The following AVL9 variants were observed in gnomAD, a reference collection of about 807,000 sequenced individuals.
The protein encoded by AVL9 is AVL9 cell migration associated.
A neutral mutation model predicts 79.2 loss-of-function variants in AVL9; 49 were observed. The observed-to-expected ratio is 0.62, with a 90% CI of 0.49 to 0.79. AVL9 has a LOEUF of 0.79. AVL9 is among the 30% of genes least tolerant of loss of function. The probability of loss-of-function intolerance (pLI) is 0.00; values close to 1 mark genes in which losing one functional copy is unlikely to be tolerated. For synonymous variants in AVL9, 299 were observed against 280.6 expected (o/e 1.07, Z -0.65); for missense variants, 682 against 776.8 (o/e 0.88, Z 1.45).
At chr7:32,524,529 TACAC>T (rs34652596) in intron 1 of AVL9, among the ~76,000 whole-genome samples, 6,297 of 132,216 alleles carry the variant, frequency 0.048, 273 homozygotes, top group African/African-American at 0.12. Context: ...GAGGGAGAAA[TACAC>T]ACACACACAC....
chr7:32,583,105 G>A (rs570250851), intron 15 of AVL9, among the ~76,000 whole-genome samples: 20 of 152,262 alleles, frequency 1.3e-4, no homozygotes, highest in African/African-American at 4.8e-4. Flanking sequence ...CCCTACAACA[G>A]TCTAACCACT....
intron 10 of AVL9, chr7:32,562,739 A>G: frequency 2.9e-6 from 1 of 350,254 alleles, no homozygotes; most frequent in Non-Finnish European, 3.9e-6. Flanking sequence ...TGTGCAACAA[A>G]GCAAGACGTC....
chr7:32,562,535 C>A, intron 10 of AVL9: 1 of 681,748 alleles, frequency 1.5e-6, no homozygotes, highest in Non-Finnish European at 1.8e-6. Flanking sequence ...TATAGTAAAT[C>A]AAATTGAATC....
chr7:32,519,621 G>C (rs1461397364), intron 1 of AVL9, among the ~76,000 whole-genome samples: 2 of 151,740 alleles, frequency 1.3e-5, no homozygotes, highest in East Asian at 3.9e-4. Flanking sequence ...AGGAATTTGG[G>C]TTACTAAGAG....
At chr7:32,503,807 C>T (rs927083304) in intron 1 of AVL9, among the ~76,000 whole-genome samples, 6 of 151,938 alleles carry the variant, frequency 3.9e-5, no homozygotes, top group Admixed American at 1.3e-4. Context: ...CTCAGCCTCC[C>T]GAGTAGCTGG....
Position 32,514,694 on chromosome 7 carries a change from C to T in AVL9, c.93+18892C>T, listed in dbSNP as rs572954978. Among the ~76,000 whole-genome samples, 9 of 152,284 alleles carry T rather than the reference C, an allele frequency of 5.9e-5. 1 individual carries two copies. In the South Asian group the frequency reaches 1.9e-3, roughly 32 times the overall value. ...CCTTGTGAAAGTCCTTTTCCTGGCT[C>T]ATCCTGGCTCAGAAACCTTCCTTAC... On this transcript the variant is annotated intron_variant, in intron 1 of 15. Transcript: ENST00000318709.
At chr7:32,579,505 T>TATTA (rs1562801956) in intron 13 of AVL9, among the ~76,000 whole-genome samples, 6 of 7,578 alleles carry the variant, frequency 7.9e-4, no homozygotes, top group Admixed American at 7.1e-3. Context: ...ATATTATATA[T>TATTA]TATATATTAT....
At chr7:32,520,211 T>C (rs567128491) in intron 1 of AVL9, among the ~76,000 whole-genome samples, 1 of 152,272 alleles carries the variant, frequency 6.6e-6, no homozygotes, top group Non-Finnish European at 1.5e-5. Flanking sequence ...AGATAGTTGA[T>C]GCATGGGAAG....
rs1342637789 is a variant in AVL9, at chr7:32,573,207, A to T, written c.1359A>T (p.Glu453Asp). 1.2e-6 allele frequency: 2 copies of T among 1,613,848 alleles called. No homozygotes were observed. The highest frequency in any genetic ancestry group is 2.7e-5 in the African/African-American group (2 of 74,888). ...ACCTGGATACCCTCTAGGTAGAAGAAGCTCTGATCCAGATCCATGATCCAG... is the reference window on the plus strand; with the variant it reads ...ACCTGGATACCCTCTAGGTAGAAGATGCTCTGATCCAGATCCATGATCCAG... ...HLSDAIVEVE[E>D]ALIQIHDPEL... is the part of the protein sequence containing the mutation. Residue 453 changes from glutamate to aspartate, a missense_variant, in exon 12 of 16, where the codon GAA becomes GAT. Physicochemically the swap from Glu to Asp is conservative, Grantham distance 45. Transcript: ENST00000318709.
chr7:32,568,826 A>G (rs1309597035), intron 10 of AVL9, among the ~76,000 whole-genome samples: 1 of 152,166 alleles, frequency 6.6e-6, no homozygotes, highest in East Asian at 1.9e-4. Context: ...CTGATTCTGA[A>G]TGAGGAGCCT....
At chr7:32,567,598 C>CT (rs755123432) in intron 10 of AVL9, among the ~76,000 whole-genome samples, 60 of 152,302 alleles carry the variant, frequency 3.9e-4, no homozygotes, top group African/African-American at 1.4e-3. Flanking sequence ...TTGTTTTCTT[C>CT]TGGGGGTATT....
chr7:32,515,365 G>A (rs1057221482), intron 1 of AVL9, among the ~76,000 whole-genome samples: 8 of 152,144 alleles, frequency 5.3e-5, no homozygotes, highest in Non-Finnish European at 8.8e-5. Context: ...CTTTATGGTC[G>A]AAACCAACAG....
intron 1 of AVL9, among the ~76,000 whole-genome samples, chr7:32,501,689 G>C (rs1385162113): frequency 6.6e-6 from 1 of 152,104 alleles, no homozygotes; most frequent in Non-Finnish European, 1.5e-5. Flanking sequence ...TTCTCTTATG[G>C]GTCCTCCCAG....
intron 1 of AVL9, among the ~76,000 whole-genome samples, chr7:32,502,342 G>A (rs1396303360): frequency 2.1e-5 from 3 of 144,148 alleles, no homozygotes; most frequent in East Asian, 4.0e-4. Flanking sequence ...GCAGTGAGCC[G>A]AGATGGCACC....
intron 1 of AVL9, chr7:32,536,920 C>T (rs1788937572): frequency 6.6e-6 from 1 of 152,154 alleles, no homozygotes; most frequent in Non-Finnish European, 1.5e-5. Context: ...AGGGAGTTTC[C>T]ATGCCATCTT....
At chr7:32,526,076 C>G (rs1310091394) in intron 1 of AVL9, among the ~76,000 whole-genome samples, 2 of 152,126 alleles carry the variant, frequency 1.3e-5, no homozygotes, top group Non-Finnish European at 1.5e-5. Flanking sequence ...ACAGGAGAGG[C>G]CAGGCTTCTC....
chr7:32,530,113 A>G (rs886543520), intron 1 of AVL9, among the ~76,000 whole-genome samples: 11 of 152,182 alleles, frequency 7.2e-5, no homozygotes, highest in African/African-American at 2.7e-4. Flanking sequence ...ATTGGATTTA[A>G]GTTTATAAAA....
intron 1 of AVL9, among the ~76,000 whole-genome samples, chr7:32,515,726 C>T (rs953812314): frequency 3.9e-5 from 6 of 152,142 alleles, no homozygotes; most frequent in South Asian, 2.1e-4. Context: ...ACTGTTATAG[C>T]GCTCAGTAAT....
At chr7:32,571,943 C>CA (rs1405997009) in intron 11 of AVL9, among the ~76,000 whole-genome samples, 1 of 152,106 alleles carries the variant, frequency 6.6e-6, no homozygotes, top group Admixed American at 6.6e-5. Flanking sequence ...GTGGGCGGGT[C>CA]ACAAGGTCAA....
Sources: allele counts gnomAD v4.1 joint callset (sites outside exome capture counted in the v4.1 genomes callset), GRCh38; gene constraint gnomAD v4.1.1; transcripts MANE v1.5; gene names NCBI Gene and HGNC (gene_info 2026-07-23, HGNC 2026-07-21).